The following CPLX1 variants were observed in gnomAD, a reference collection of about 807,000 sequenced individuals.
The protein encoded by CPLX1 is complexin-1.
Under a neutral mutation model 15.6 loss-of-function variants are expected in CPLX1, and 6 were observed. The ratio of observed to expected loss-of-function variants is 0.39; its 90% confidence interval spans 0.21 to 0.76. The LOEUF (loss-of-function observed/expected upper bound fraction) is 0.76. Ranked by LOEUF, CPLX1 falls within the 30% of genes least tolerant of loss-of-function variation. The probability of loss-of-function intolerance (pLI) is 0.43; values close to 1 mark genes in which losing one functional copy is unlikely to be tolerated. For synonymous variants in CPLX1, 91 were observed against 75.2 expected (o/e 1.21, Z -1.08); for missense variants, 242 against 188.6 (o/e 1.28, Z -1.66).
At chr4:795,772 C>G (rs1240385077) in intron 2 of CPLX1, among the ~76,000 whole-genome samples, 1 of 138,018 alleles carries the variant, frequency 7.2e-6, no homozygotes, top group Admixed American at 7.1e-5. Context: ...CCTTCCCACC[C>G]GGGAGCTCGC....
intron 2 of CPLX1, 82 bp downstream of exon 2, chr4:824,410 G>C (rs928798933): frequency 1.6e-6 from 2 of 1,271,908 alleles, no homozygotes; most frequent in Middle Eastern, 2.0e-4. Context: ...GCGCTGCTGC[G>C]GTGGGCCAGA....
At chr4:806,080 A>G (rs1300169540) in intron 2 of CPLX1, among the ~76,000 whole-genome samples, 1 of 152,020 alleles carries the variant, frequency 6.6e-6, no homozygotes, top group Non-Finnish European at 1.5e-5. Context: ...TGCACTTAAC[A>G]TAATTTAAAT....
At position 786,332 on chromosome 4, in the gene CPLX1, G is replaced by A. The variant is rs1434939879; in HGVS notation, c.*169C>T. Reference sequence around the variant, plus strand: ...GGGGCGGACTGGGGGGGTCCTGGGGGCGCGCGCCCCTTGCCGGGTGAGGGA... The same window carrying A: ...GGGGCGGACTGGGGGGGTCCTGGGGACGCGCGCCCCTTGCCGGGTGAGGGA... On this transcript the variant is annotated 3_prime_UTR_variant, in exon 4 of 4. Transcript: ENST00000304062. 1 of 593,816 alleles carries A rather than the reference G, an allele frequency of 1.7e-6. No individual in the cohort carries two copies. The allele number at this position is 593,816 out of a possible 1,614,324, so 36.8% of individuals were successfully genotyped here. A position where few individuals can be genotyped will look rare whatever the true frequency, so the allele number is the denominator to read the frequency against.
chr4:803,890 C>T (rs1354626660), intron 2 of CPLX1, among the ~76,000 whole-genome samples: 1 of 151,886 alleles, frequency 6.6e-6, no homozygotes, highest in Non-Finnish European at 1.5e-5. Context: ...AAGCTGTTCT[C>T]AAACTCCTGA....
chr4:801,012 G>A (rs191495732), intron 2 of CPLX1, among the ~76,000 whole-genome samples: 342 of 150,744 alleles, frequency 2.3e-3, no homozygotes, highest in Non-Finnish European at 4.0e-3. Context: ...GCAAGACTCT[G>A]TCTCAAAAAA....
At chr4:803,552 G>T (rs778753939) in intron 2 of CPLX1, among the ~76,000 whole-genome samples, 1 of 150,430 alleles carries the variant, frequency 6.6e-6, no homozygotes, top group East Asian at 1.9e-4. Context: ...CACCGCGCCC[G>T]GCTAATTTTT....
In CPLX1 at chr4:787,966, C is replaced by CA. The variant is rs1746052432; in HGVS notation, c.208-1269dup. 6 of 985,446 alleles carry CA rather than the reference C, an allele frequency of 6.1e-6. No homozygotes were observed. In the South Asian group the frequency reaches 2.8e-4, roughly 46 times the overall value. 61.0% of individuals were successfully genotyped at this position (985,446 alleles called of 1,614,324 possible). A position where few individuals can be genotyped will look rare whatever the true frequency, so the allele number is the denominator to read the frequency against. ...CTGAACAGGACCCCCGGGCCAGGTC[C>CA]AAGGTCCTGGATCTGAGATTACAGG... is the stretch of plus-strand genomic sequence containing the variant. On this transcript the variant is annotated intron_variant, in intron 3 of 3. Transcript: ENST00000304062.
chr4:821,367 G>A lies in CPLX1; in HGVS notation c.31+3125C>T, dbSNP rs531872421. ...CGGCTGCCTCCCACTCTGCACCCCAGCCTCTCCGCACATGCATCCTCCAAG... is the reference window on the plus strand; with the variant it reads ...CGGCTGCCTCCCACTCTGCACCCCAACCTCTCCGCACATGCATCCTCCAAG... On this transcript the variant is annotated intron_variant, in intron 2 of 3. Transcript: ENST00000304062. Among the ~76,000 whole-genome samples the A allele has an allele frequency of 3.9e-5, 6 of 152,222 alleles. No individual in the cohort carries two copies. In the East Asian group the frequency reaches 1.2e-3, roughly 29 times the overall value.
At chr4:800,811 GTATA>G (rs1490222991) in intron 2 of CPLX1, among the ~76,000 whole-genome samples, 15 of 145,460 alleles carry the variant, frequency 1.0e-4, no homozygotes, top group African/African-American at 3.5e-4. Context: ...ACACACGTAT[GTATA>G]TATAAATATA....
chr4:821,216 T>C (rs1746856352), intron 2 of CPLX1, among the ~76,000 whole-genome samples: 1 of 152,198 alleles, frequency 6.6e-6, no homozygotes, highest in Non-Finnish European at 1.5e-5. Flanking sequence ...ACACTGTCCA[T>C]CGTGACTGAA....
intron 2 of CPLX1, among the ~76,000 whole-genome samples, chr4:805,593 A>G (rs1746542307): frequency 1.3e-5 from 2 of 152,212 alleles, no homozygotes; most frequent in Non-Finnish European, 2.9e-5. Context: ...TAGCGATTCC[A>G]TTTCTGGGTA....
chr4:792,648 T>A, intron 2 of CPLX1, 40 bp from the exon 3 acceptor site: 1 of 1,577,582 alleles, frequency 6.3e-7, no homozygotes, highest in Non-Finnish European at 8.6e-7. Context: ...CCCATTCAGA[T>A]GTCCAGGGCC....
chr4:813,156 T>C (rs1746693024), intron 2 of CPLX1, among the ~76,000 whole-genome samples: 1 of 151,424 alleles, frequency 6.6e-6, no homozygotes, highest in East Asian at 1.9e-4. Flanking sequence ...TCCCAGCTAC[T>C]TGGGAGGGTG....
intron 2 of CPLX1, among the ~76,000 whole-genome samples, chr4:819,466 C>T (rs780312069): frequency 2.0e-5 from 3 of 152,224 alleles, no homozygotes; most frequent in African/African-American, 4.8e-5. Flanking sequence ...GACCACACGG[C>T]GTTTGTGAAG....
chr4:795,746 TC>T (rs1472446683), intron 2 of CPLX1, among the ~76,000 whole-genome samples: 4 of 137,764 alleles, frequency 2.9e-5, no homozygotes, highest in Non-Finnish European at 6.2e-5. Flanking sequence ...GGGAGTTCAG[TC>T]CCAGCGGGAG....
chr4:806,601 C>G (rs1746559502), intron 2 of CPLX1, among the ~76,000 whole-genome samples: 1 of 152,134 alleles, frequency 6.6e-6, no homozygotes. Flanking sequence ...TCAGAGTGAG[C>G]AGACAACCTA....
chr4:789,343 C>T (rs1746097808), intron 3 of CPLX1, among the ~76,000 whole-genome samples: 1 of 152,074 alleles, frequency 6.6e-6, no homozygotes, highest in Admixed American at 6.5e-5. Flanking sequence ...CCCAGGAGGC[C>T]CTGACACGTC....
chr4:817,246 TAAAAAA>T (rs35754733), intron 2 of CPLX1, among the ~76,000 whole-genome samples: 6 of 132,672 alleles, frequency 4.5e-5, no homozygotes, highest in Admixed American at 3.0e-4. Flanking sequence ...TGGGTGAATG[TAAAAAA>T]AAAAAAAAAA....
At chr4:790,524 C>T (rs528617986) in intron 3 of CPLX1, among the ~76,000 whole-genome samples, 37 of 152,286 alleles carry the variant, frequency 2.4e-4, no homozygotes, top group Non-Finnish European at 5.1e-4. Context: ...CCGGGCCACT[C>T]GGTCCCTGAC....
Sources: gnomAD v4.1 joint callset for allele counts (sites outside exome capture counted in the v4.1 genomes callset) on GRCh38, gnomAD v4.1.1 for gene constraint, MANE v1.5 for transcripts, NCBI Gene and HGNC (gene_info 2026-07-23, HGNC 2026-07-21) for gene names.